Variants in CAMTA1 observed in about 807,000 individuals in gnomAD.
The protein encoded by CAMTA1 is calmodulin binding transcription activator 1.
CAMTA1 carries 27 observed loss-of-function variants against 170.9 expected under a neutral mutation model. The observed-to-expected ratio is 0.16, with a 90% CI of 0.12 to 0.22. CAMTA1 has a LOEUF of 0.22. Among genes scored for constraint, CAMTA1 ranks in the 10% least tolerant of loss-of-function variants. CAMTA1 has a pLI of 1.00. For synonymous variants in CAMTA1, 833 were observed against 891.5 expected, an observed-to-expected ratio of 0.93 and a Z score of 1.17; for missense variants, 1,619 against 2,217.2, an observed-to-expected ratio of 0.73 and a Z score of 5.42.
chr1:7,158,052 G>T (rs1015969279), intron 4 of CAMTA1, among the ~76,000 whole-genome samples: 1 of 152,108 alleles, frequency 6.6e-6, no homozygotes, highest in Non-Finnish European at 1.5e-5. Context: ...CCAGCTACTC[G>T]GGAGGCTGAG....
intron 3 of CAMTA1, among the ~76,000 whole-genome samples, chr1:7,026,849 C>T (rs1056947286): frequency 1.3e-5 from 2 of 152,006 alleles, no homozygotes; most frequent in African/African-American, 4.8e-5. Context: ...AGGATGGTCT[C>T]GATCCCCTGA....
chr1:7,527,708 G>A (rs997297830), intron 6 of CAMTA1, among the ~76,000 whole-genome samples: 11 of 152,170 alleles, frequency 7.2e-5, no homozygotes, highest in African/African-American at 2.4e-4. Context: ...AAGCTGCCTC[G>A]ACCCGGAGAT....
intron 4 of CAMTA1, among the ~76,000 whole-genome samples, chr1:7,162,042 G>C (rs11120869): frequency 0.28 from 42,095 of 152,130 alleles, 5,998 homozygotes; most frequent in Non-Finnish European, 0.31. Context: ...GCAAAGATTA[G>C]AGGGAAGGAC....
At chr1:7,714,180 A>G (rs1168236537) in intron 11 of CAMTA1, among the ~76,000 whole-genome samples, 1 of 152,268 alleles carries the variant, frequency 6.6e-6, no homozygotes, top group Non-Finnish European at 1.5e-5. Context: ...GACTTCTTGA[A>G]AAGTGAAGGC....
intron 5 of CAMTA1, among the ~76,000 whole-genome samples, chr1:7,312,653 T>A (rs925362306): frequency 6.6e-6 from 1 of 152,242 alleles, no homozygotes; most frequent in Non-Finnish European, 1.5e-5. Context: ...ATACTTTTGC[T>A]CACTTTCCAG....
chr1:7,062,886 C>A (rs539801834), intron 3 of CAMTA1, among the ~76,000 whole-genome samples: 1 of 152,312 alleles, frequency 6.6e-6, no homozygotes, highest in African/African-American at 2.4e-5. Context: ...GCGGCCTCCC[C>A]CAACCTGTGC....
chr1:7,374,304 G>A (rs1292508824), intron 5 of CAMTA1, among the ~76,000 whole-genome samples: 2 of 152,360 alleles, frequency 1.3e-5, no homozygotes, highest in East Asian at 1.9e-4. Context: ...TGTTTTCTCC[G>A]TATTAGAAAA....
At chr1:7,176,144 A>C (rs1365157060) in intron 4 of CAMTA1, among the ~76,000 whole-genome samples, 10 of 152,292 alleles carry the variant, frequency 6.6e-5, no homozygotes, top group South Asian at 2.1e-4. Flanking sequence ...TTCATGTTAA[A>C]ACAATGTAAT....
chr1:7,375,469 C>T (rs1013314748), intron 5 of CAMTA1, among the ~76,000 whole-genome samples: 3 of 152,200 alleles, frequency 2.0e-5, no homozygotes, highest in Admixed American at 1.3e-4. Flanking sequence ...CTTATGCACT[C>T]ACCTGGTTGC....
chr1:6,938,404 G>A (rs1245882631), intron 3 of CAMTA1, among the ~76,000 whole-genome samples: 8 of 152,246 alleles, frequency 5.3e-5, no homozygotes, highest in East Asian at 3.9e-4. Context: ...ACTTGGTTGC[G>A]TCACAGCAGG....
intron 4 of CAMTA1, among the ~76,000 whole-genome samples, chr1:7,214,798 C>A (rs1047300031): frequency 6.6e-6 from 1 of 152,058 alleles, no homozygotes; most frequent in Non-Finnish European, 1.5e-5. Flanking sequence ...AGCCCATTGT[C>A]CCTTCCAAGT....
chr1:7,384,954 G>A (rs1045294626), intron 5 of CAMTA1, among the ~76,000 whole-genome samples: 3 of 152,152 alleles, frequency 2.0e-5, no homozygotes, highest in Non-Finnish European at 4.4e-5. Context: ...AGGACTCACA[G>A]CCTCTCCTTT....
chr1:7,116,674 GTCTC>G (rs1297329404), intron 4 of CAMTA1, among the ~76,000 whole-genome samples: 1 of 145,878 alleles, frequency 6.9e-6, no homozygotes, highest in Non-Finnish European at 1.5e-5. Flanking sequence ...TTTTTATGGA[GTCTC>G]TCTCTGTCTC....
chr1:7,356,567 T>C (rs998687682), intron 5 of CAMTA1, among the ~76,000 whole-genome samples: 3 of 152,096 alleles, frequency 2.0e-5, no homozygotes, highest in African/African-American at 7.2e-5. Context: ...TGCCACCGCC[T>C]CCTCCTCCAG....
chr1:7,246,434 G>C (rs1323979581), intron 4 of CAMTA1, among the ~76,000 whole-genome samples: 1 of 152,208 alleles, frequency 6.6e-6, no homozygotes, highest in Non-Finnish European at 1.5e-5. Context: ...GCATTATTAA[G>C]TTGCAGGACT....
Position 7,633,790 on chromosome 1 carries a change from G to A in CAMTA1, c.511-6610G>A, listed in dbSNP as rs764802247. On this transcript the variant is annotated intron_variant, in intron 6 of 22. Coordinates refer to ENST00000303635, the MANE Select transcript of CAMTA1 (RefSeq NM_015215.4). This position sits in a 1 kb window ranked among gnomAD's most constrained non-coding sequence, Gnocchi z 4.1. ...GTGGCCAGGAAAACAGGCCAAACCCGAGTAGTAATTGAGCGGAAACTGAGA... is the reference window on the plus strand; with the variant it reads ...GTGGCCAGGAAAACAGGCCAAACCCAAGTAGTAATTGAGCGGAAACTGAGA... Among the ~76,000 whole-genome samples the A allele has an allele frequency of 6.6e-6, 1 of 152,238 alleles. No homozygotes were observed. The highest frequency in any genetic ancestry group is 2.4e-5 in the African/African-American group (1 of 41,456).
At chr1:7,060,975 C>T (rs1558041389) in intron 3 of CAMTA1, among the ~76,000 whole-genome samples, 1 of 152,154 alleles carries the variant, frequency 6.6e-6, no homozygotes, top group Non-Finnish European at 1.5e-5. Context: ...ATCATTTTCT[C>T]TTGTTCTTCC....
chr1:7,395,452 A>G (rs1030036818), intron 5 of CAMTA1, among the ~76,000 whole-genome samples: 1 of 152,130 alleles, frequency 6.6e-6, no homozygotes, highest in East Asian at 1.9e-4. Context: ...TGGTGGTGCC[A>G]TGCTGTTTTG....
At chr1:7,554,153 T>C (rs1167142917) in intron 6 of CAMTA1, among the ~76,000 whole-genome samples, 1 of 152,144 alleles carries the variant, frequency 6.6e-6, no homozygotes, top group African/African-American at 2.4e-5. Flanking sequence ...GCAGGAGTCA[T>C]TCCCGGGTTC....
Sources: gnomAD v4.1 joint callset for allele counts (sites outside exome capture counted in the v4.1 genomes callset) on GRCh38, gnomAD v4.1.1 for gene constraint, Gnocchi (gnomAD v3.1) non-coding constraint, MANE v1.5 for transcripts, NCBI Gene and HGNC (gene_info 2026-07-23, HGNC 2026-07-21) for gene names.